Variants in DNM3 observed in about 807,000 individuals in gnomAD.
The protein encoded by DNM3 is dynamin 3, also known as dynamin-3.
DNM3 carries 47 observed loss-of-function variants against 101.6 expected under a neutral mutation model. The ratio of observed to expected loss-of-function variants is 0.46; its 90% CI spans 0.37 to 0.59. The LOEUF is 0.59. Ranked by LOEUF, DNM3 falls within the 20% of genes least tolerant of loss-of-function variation. The probability of loss-of-function intolerance (pLI) is 0.00; values close to 1 mark genes in which losing one functional copy is unlikely to be tolerated. For missense variants in DNM3, 849 were observed against 1,085.7 expected (o/e 0.78, Z 3.06); for synonymous variants, 385 against 387.9 (o/e 0.99, Z 0.09).
intron 13 of DNM3, among the ~76,000 whole-genome samples, chr1:172,128,317 C>A (rs2056752868): frequency 6.6e-6 from 1 of 152,142 alleles, no homozygotes; most frequent in Non-Finnish European, 1.5e-5. Flanking sequence ...GTCAGCATAG[C>A]CTTTGCTGAA....
At chr1:172,048,017 G>T (rs990265091) in intron 9 of DNM3, among the ~76,000 whole-genome samples, 3 of 152,036 alleles carry the variant, frequency 2.0e-5, no homozygotes, top group Non-Finnish European at 2.9e-5. Flanking sequence ...GCTTTCCTGA[G>T]CTCCTGTTCA....
intron 17 of DNM3, among the ~76,000 whole-genome samples, chr1:172,356,166 G>T (rs2067442281): frequency 6.6e-6 from 1 of 151,944 alleles, no homozygotes; most frequent in Non-Finnish European, 1.5e-5. Context: ...TGCCATCAAA[G>T]ATAAAAGGAA....
intron 14 of DNM3, among the ~76,000 whole-genome samples, chr1:172,240,714 C>T (rs561970364): frequency 1.3e-5 from 2 of 152,228 alleles, no homozygotes; most frequent in South Asian, 4.2e-4. Flanking sequence ...TGTGAAGCCA[C>T]ATAAGTCAGA....
intron 1 of DNM3, among the ~76,000 whole-genome samples, chr1:171,860,157 C>T (rs2034018265): frequency 6.6e-6 from 1 of 152,120 alleles, no homozygotes; most frequent in African/African-American, 2.4e-5. Context: ...ACAATAGTCA[C>T]TACCCCATGT....
At chr1:171,918,608 C>T (rs546377716) in intron 1 of DNM3, among the ~76,000 whole-genome samples, 7 of 152,228 alleles carry the variant, frequency 4.6e-5, no homozygotes, top group African/African-American at 1.4e-4. Context: ...ATTTGATTAT[C>T]AAAATTTTTG....
chr1:172,019,010 C>CCCCTCCCTTCCT (rs199533411), intron 4 of DNM3, among the ~76,000 whole-genome samples: 23 of 136,268 alleles, frequency 1.7e-4, no homozygotes, highest in African/African-American at 1.4e-4. Context: ...CTTCCTTCGC[C>CCCCTCCCTTCCT]CCCTCCCTTC....
Position 172,142,421 on chromosome 1 carries a change from T to C in DNM3, c.1659+11133T>C, listed in dbSNP as rs192518409. 1.8e-3 allele frequency among the ~76,000 whole-genome samples: 278 copies of C among 152,136 alleles called. 3 individuals carry two copies. Among genetic ancestry groups the C allele is most frequent in the Admixed American group, 7.7e-3 (117 of 15,272 alleles). On this transcript the variant is annotated intron_variant, in intron 14 of 20. Coordinates refer to ENST00000627582, the MANE Select transcript of DNM3 (RefSeq NM_015569.5). ...TAATTTAGCCCATATAATTGAAAAA[T>C]AAGTACTATTCGTTTTCATTTGTTA... is the stretch of plus-strand genomic sequence containing the variant.
intron 14 of DNM3, among the ~76,000 whole-genome samples, chr1:172,235,429 G>T (rs954813835): frequency 2.0e-5 from 3 of 152,192 alleles, no homozygotes; most frequent in African/African-American, 7.2e-5. Context: ...CATTGTGGAA[G>T]TCAGTGTGGC....
intron 14 of DNM3, among the ~76,000 whole-genome samples, chr1:172,192,641 C>T (rs1401912448): frequency 1.3e-5 from 2 of 150,660 alleles, no homozygotes; most frequent in East Asian, 3.9e-4. Flanking sequence ...GTTTTTTGTT[C>T]TCGCGATAGT....
chr1:172,259,146 A>G (rs990857835), intron 15 of DNM3, among the ~76,000 whole-genome samples: 10 of 151,752 alleles, frequency 6.6e-5, no homozygotes, highest in African/African-American at 2.2e-4. Flanking sequence ...AAATTTTTTG[A>G]GATTTGTTTT....
chr1:172,335,839 A>G (rs2066397917), intron 17 of DNM3, among the ~76,000 whole-genome samples: 1 of 152,230 alleles, frequency 6.6e-6, no homozygotes, highest in African/African-American at 2.4e-5. Context: ...CTTTTTGGGT[A>G]CTATGCTCAG....
At position 172,214,329 on chromosome 1, in the gene DNM3, A is replaced by T. The variant is rs1317519639; in HGVS notation, c.1660-39244A>T. On this transcript the variant is annotated intron_variant, in intron 14 of 20. Coordinates refer to ENST00000627582, the MANE Select transcript of DNM3 (RefSeq NM_015569.5). ...AGTTTAGGAGGGATAGCATTAGGAG[A>T]TATACCTAATGTAAATGTTACGAGT... is the stretch of plus-strand genomic sequence containing the variant. Among the ~76,000 whole-genome samples, 9 of 152,270 alleles carry T rather than the reference A, an allele frequency of 5.9e-5. No individual in the cohort carries two copies. The East Asian group carries it at 1.7e-3, about 29-fold the overall frequency.
intron 13 of DNM3, among the ~76,000 whole-genome samples, chr1:172,128,667 A>G (rs1373274275): frequency 6.6e-6 from 1 of 152,168 alleles, no homozygotes; most frequent in Non-Finnish European, 1.5e-5. Flanking sequence ...GTTTATTTGA[A>G]CACTTATGGC....
chr1:171,914,379 A>G (rs989133617), intron 1 of DNM3, among the ~76,000 whole-genome samples: 1 of 151,020 alleles, frequency 6.6e-6, no homozygotes, highest in African/African-American at 2.4e-5. Flanking sequence ...CTTGTCTTGA[A>G]CTCCCAACCT....
intron 2 of DNM3, among the ~76,000 whole-genome samples, chr1:171,979,834 G>T (rs147482790): frequency 6.6e-6 from 1 of 152,232 alleles, no homozygotes; most frequent in African/African-American, 2.4e-5. Context: ...AACTGGCTTC[G>T]GCTTTGTATC....
At chr1:171,885,396 A>G (rs565861051) in intron 1 of DNM3, among the ~76,000 whole-genome samples, 9 of 152,282 alleles carry the variant, frequency 5.9e-5, no homozygotes, top group African/African-American at 1.9e-4. Context: ...AATGTTCCTC[A>G]TGTTAATTTA....
At chr1:171,930,955 C>T (rs746927322) in intron 2 of DNM3, among the ~76,000 whole-genome samples, 9 of 152,110 alleles carry the variant, frequency 5.9e-5, no homozygotes, top group Non-Finnish European at 7.4e-5. Context: ...AAGAGTATAT[C>T]GCTTAGGGGG....
Position 171,987,901 on chromosome 1 carries a change from G to A in DNM3, c.385+96G>A, listed in dbSNP as rs1358375754. ...TTGTACAGAAGATACAAATAGTGCTGGGTTTCTAGGGTATCCTTTGGATAC... is the reference window on the plus strand; with the variant it reads ...TTGTACAGAAGATACAAATAGTGCTAGGTTTCTAGGGTATCCTTTGGATAC... On this transcript the variant is annotated intron_variant, in intron 3 of 20. Transcript: ENST00000627582. 4.1e-6 allele frequency: 5 copies of A among 1,217,960 alleles called. No homozygotes were observed. In the African/African-American group the frequency reaches 6.2e-5, roughly 15 times the overall value. 75.4% of individuals were successfully genotyped at this position (1,217,960 alleles called of 1,614,324 possible).
In DNM3 at chr1:172,226,592, ACT is replaced by A. The variant is rs1445351068; in HGVS notation, c.1660-26976_1660-26975del. 2.0e-5 allele frequency among the ~76,000 whole-genome samples: 3 copies of A among 152,094 alleles called. No homozygotes were observed. In the East Asian group the frequency reaches 5.8e-4, roughly 29 times the overall value. ...TTAAGTGTAAGTCGCTCTGTGCCCTACTCTCTACATTTTTAAACTTCGATGAT... is the reference window on the plus strand; with the variant it reads ...TTAAGTGTAAGTCGCTCTGTGCCCTACTCTACATTTTTAAACTTCGATGAT... On this transcript the variant is annotated intron_variant, in intron 14 of 20. Coordinates refer to ENST00000627582, the MANE Select transcript of DNM3 (RefSeq NM_015569.5).
Sources: gnomAD v4.1 joint callset for allele counts (sites outside exome capture counted in the v4.1 genomes callset) on GRCh38, gnomAD v4.1.1 for gene constraint, MANE v1.5 for transcripts, NCBI Gene and HGNC (gene_info 2026-07-23, HGNC 2026-07-21) for gene names.